Variants in LOC128092252 observed in about 807,000 individuals in gnomAD.
the LOC128092252 span, among the ~76,000 whole-genome samples, chr15:50,681,881 A>G: frequency 1.3e-5 from 2 of 152,216 alleles, no homozygotes; most frequent in Admixed American, 6.5e-5. Flanking sequence ...GATTGAGAAG[A>G]TAACAGTGAT....
chr15:50,659,070 C>G, the LOC128092252 span, among the ~76,000 whole-genome samples: 1 of 151,900 alleles, frequency 6.6e-6, no homozygotes, highest in Non-Finnish European at 1.5e-5. Flanking sequence ...TGGTGGCACA[C>G]GCCTGTAATT....
chr15:50,686,697 A>G, the LOC128092252 span: 1 of 884,206 alleles, frequency 1.1e-6, no homozygotes. Context: ...CGGCGCTAGC[A>G]GCAGAAGCCG....
chr15:50,675,055 T>C, the LOC128092252 span, among the ~76,000 whole-genome samples: 2 of 151,898 alleles, frequency 1.3e-5, no homozygotes, highest in Non-Finnish European at 2.9e-5. Flanking sequence ...TTCAAGAAAA[T>C]CTCCTGGCTG....
At chr15:50,681,477 CTAAT>C in the LOC128092252 span, among the ~76,000 whole-genome samples, 8 of 152,140 alleles carry the variant, frequency 5.3e-5, no homozygotes, top group Non-Finnish European at 1.0e-4. Context: ...TCTTTCTAGT[CTAAT>C]TATGTTTCTC....
At chr15:50,656,871 T>C in the LOC128092252 span, among the ~76,000 whole-genome samples, 6 of 152,308 alleles carry the variant, frequency 3.9e-5, no homozygotes, top group African/African-American at 9.6e-5. Flanking sequence ...CCAAATCCTA[T>C]TGCATTTATC....
the LOC128092252 span, among the ~76,000 whole-genome samples, chr15:50,651,383 C>T: frequency 1.3e-5 from 2 of 152,162 alleles, no homozygotes; most frequent in African/African-American, 2.4e-5. Context: ...TGGTGGCTCA[C>T]GCCTGTAATC....
At chr15:50,667,929 T>C in the LOC128092252 span, among the ~76,000 whole-genome samples, 1 of 152,176 alleles carries the variant, frequency 6.6e-6, no homozygotes, top group Admixed American at 6.5e-5. Context: ...TGGTATGTGT[T>C]CCAAAATTAT....
chr15:50,676,473 CTTTGGGAGGCCAAGA>C, the LOC128092252 span, among the ~76,000 whole-genome samples: 1 of 152,028 alleles, frequency 6.6e-6, no homozygotes, highest in African/African-American at 2.4e-5. Context: ...AATCCTAGCA[CTTTGGGAGGCCAAGA>C]TGGGAGGACT....
At chr15:50,659,451 C>T in the LOC128092252 span, among the ~76,000 whole-genome samples, 11 of 152,032 alleles carry the variant, frequency 7.2e-5, no homozygotes, top group Non-Finnish European at 1.3e-4. Flanking sequence ...AAGTTATGAA[C>T]CAAGTGTCAA....
At chr15:50,661,607 T>C in the LOC128092252 span, among the ~76,000 whole-genome samples, 1 of 152,198 alleles carries the variant, frequency 6.6e-6, no homozygotes, top group Non-Finnish European at 1.5e-5. Flanking sequence ...AAATATTTAC[T>C]ACATATCCAC....
At chr15:50,662,562 A>G in the LOC128092252 span, among the ~76,000 whole-genome samples, 386 of 152,304 alleles carry the variant, frequency 2.5e-3, no homozygotes, top group Middle Eastern at 0.01. Context: ...TATTAGGTTC[A>G]TATTGCTTTC....
chr15:50,671,889 T>C, the LOC128092252 span, among the ~76,000 whole-genome samples: 1 of 152,184 alleles, frequency 6.6e-6, no homozygotes, highest in Non-Finnish European at 1.5e-5. Context: ...TGTTTTGATA[T>C]TGGTGTAAAC....
chr15:50,680,135 GAC>G, the LOC128092252 span, among the ~76,000 whole-genome samples: 1 of 152,092 alleles, frequency 6.6e-6, no homozygotes, highest in Admixed American at 6.6e-5. Context: ...TCGGGAGGCT[GAC>G]AGAGGAGAAT....
At chr15:50,667,622 G>C in the LOC128092252 span, among the ~76,000 whole-genome samples, 26 of 152,282 alleles carry the variant, frequency 1.7e-4, no homozygotes, top group South Asian at 5.4e-3. Context: ...CAGGAGAATC[G>C]CTTGAACCCA....
At chr15:50,657,184 C>T in the LOC128092252 span, among the ~76,000 whole-genome samples, 1 of 152,054 alleles carries the variant, frequency 6.6e-6, no homozygotes, top group South Asian at 2.1e-4. Context: ...ATTAGCCGGG[C>T]ATGGTGGCGC....
chr15:50,653,334 T>C, the LOC128092252 span, among the ~76,000 whole-genome samples: 11,817 of 152,286 alleles, frequency 0.078, 563 homozygotes, highest in South Asian at 0.12. Context: ...CTGTTCATTA[T>C]AAGCACTGTC....
At chr15:50,677,171 C>A in the LOC128092252 span, among the ~76,000 whole-genome samples, 5 of 152,170 alleles carry the variant, frequency 3.3e-5, no homozygotes, top group Non-Finnish European at 5.9e-5. Context: ...GGCTCTCAGA[C>A]AGCTGCCTCC....
chr15:50,658,307 C>G, the LOC128092252 span, among the ~76,000 whole-genome samples: 3 of 151,846 alleles, frequency 2.0e-5, no homozygotes, highest in Non-Finnish European at 4.4e-5. Flanking sequence ...GCCTGGCAGA[C>G]AGTCCACACC....
chr15:50,653,815 T>A, the LOC128092252 span, among the ~76,000 whole-genome samples: 8 of 152,272 alleles, frequency 5.3e-5, no homozygotes, highest in African/African-American at 1.9e-4. Context: ...CTAAGGTGTA[T>A]CTGTGAGAGA....
Sources: gnomAD v4.1 joint callset for allele counts (sites outside exome capture counted in the v4.1 genomes callset) on GRCh38, gnomAD v4.1.1 for gene constraint, MANE v1.5 for transcripts.